Variants in PLG observed in about 807,000 individuals in gnomAD.
PLG encodes plasmin.
A neutral mutation model predicts 104.4 loss-of-function variants in PLG; 41 were observed. The ratio of observed to expected loss-of-function variants is 0.39; its 90% confidence interval spans 0.31 to 0.51. The LOEUF is 0.51. Ranked by LOEUF, PLG falls within the 20% of genes least tolerant of loss-of-function variation. The pLI is 0.76. For synonymous variants in PLG, 337 were observed against 357.1 expected (o/e 0.94, Z 0.63); for missense variants, 891 against 1,003.6 (o/e 0.89, Z 1.52).
rs752552388 is a variant in PLG at position 160,702,310 on chromosome 6, A to G, written c.6A>G (p.Glu2=). The G allele has an allele frequency of 6.2e-7, 1 of 1,610,084 alleles. No individual in the cohort carries two copies. Among genetic ancestry groups the G allele is most frequent in the South Asian group, 1.1e-5 (1 of 90,570 alleles). Residue 2 remains glutamate (E), a synonymous_variant, in exon 1 of 19, where the codon GAA becomes GAG. Transcript: ENST00000308192. M[E]HKEVVLLLLL... is the part of the protein sequence containing the mutation. ...CACTGCTGGCCAGTCCCAAAATGGA[A>G]CATAAGGAAGTGGTTCTTCTACTTC...
chr6:160,718,379 G>C lies in PLG; in HGVS notation c.873G>C (p.Val291=). 6.2e-7 allele frequency: 1 copy of C among 1,613,642 alleles called. No homozygotes were observed. The highest frequency in any genetic ancestry group is 8.5e-7 in the Non-Finnish European group (1 of 1,179,516). The change falls in exon 8 of 19, where the codon GTG becomes GTC. Residue 291 remains valine, a synonymous_variant. Transcript: ENST00000308192. The part of the protein sequence containing the change: ...ENYRGNVAVT[V]SGHTCQHWSA... The stretch of plus-strand genomic sequence containing the variant: ...ATCGCGGGAATGTGGCTGTTACCGT[G>C]TCCGGGCACACCTGTCAGCACTGGA...
In PLG at chr6:160,744,585, CTTA is replaced by C. The variant is rs1433433679; in HGVS notation, c.2125+3172_2125+3174del. Among the ~76,000 whole-genome samples, 1 of 152,082 alleles carries C rather than the reference CTTA, an allele frequency of 6.6e-6. No individual in the cohort carries two copies. Among genetic ancestry groups the C allele is most frequent in the Non-Finnish European group, 1.5e-5 (1 of 67,974 alleles). On this transcript the variant is annotated intron_variant, in intron 17 of 18. Coordinates refer to ENST00000308192, the MANE Select transcript of PLG (RefSeq NM_000301.5). The surrounding 1 kb of genome is among the most constrained non-coding windows in gnomAD (Gnocchi z 4.5). Reference sequence around the variant, plus strand: ...TTAGCCTAGCTAGCAGCCTACCTATCTTATTACTGTTTTCAAAAAACCAACTAC... The same window carrying C: ...TTAGCCTAGCTAGCAGCCTACCTATCTTACTGTTTTCAAAAAACCAACTAC...
rs557582348 is a variant in PLG, at chr6:160,723,970, G to A, written c.1256+1403G>A. On this transcript the variant is annotated intron_variant, in intron 10 of 18. Transcript: ENST00000308192. The surrounding 1 kb of genome is among the most constrained non-coding windows in gnomAD (Gnocchi z 4.7). ...AAAGCAAGTCTAAAAAAATCAACACGATCTCCAAGTAAATTAACTGATTGC... is the reference window on the plus strand; with the variant it reads ...AAAGCAAGTCTAAAAAAATCAACACAATCTCCAAGTAAATTAACTGATTGC... Among the ~76,000 whole-genome samples the A allele has an allele frequency of 2.0e-5, 3 of 152,226 alleles. 1 individual carries two copies. The highest frequency in any genetic ancestry group is 7.2e-5 in the African/African-American group (3 of 41,546).
chr6:160,749,143 C>G (rs1778351585), intron 17 of PLG, among the ~76,000 whole-genome samples: 1 of 152,222 alleles, frequency 6.6e-6, no homozygotes. Flanking sequence ...TGAGTTCTGG[C>G]TCTCCCATCT....
Position 160,714,867 on chromosome 6 carries a change from G to A in PLG, c.621G>A (p.Gln207=). The change falls in exon 6 of 19, where the codon CAG becomes CAA. Residue 207 remains glutamine (Q), a synonymous_variant. Transcript: ENST00000308192. ...AGACCATGTCTGGACTGGAATGCCA[G>A]GCCTGGGACTCTCAGAGCCCACACG... ...ISKTMSGLEC[Q]AWDSQSPHAH... is the part of the protein sequence containing the mutation. 1.9e-6 allele frequency: 3 copies of A among 1,613,856 alleles called. No individual in the cohort carries two copies. Among genetic ancestry groups the A allele is most frequent in the Non-Finnish European group, 2.5e-6 (3 of 1,179,772 alleles).
At chr6:160,703,793 C>G (rs1777468530) in intron 1 of PLG, among the ~76,000 whole-genome samples, 1 of 152,202 alleles carries the variant, frequency 6.6e-6, no homozygotes, top group Non-Finnish European at 1.5e-5. Flanking sequence ...GGGCTACACC[C>G]AAAGGCTAGA....
chr6:160,743,114 T>C (rs1198149665), intron 17 of PLG, among the ~76,000 whole-genome samples: 1 of 152,158 alleles, frequency 6.6e-6, no homozygotes, highest in African/African-American at 2.4e-5. Context: ...TTTGTTCTTT[T>C]TGTTTAGGAT....
Position 160,752,775 on chromosome 6 carries a change from C to A in PLG, c.2272-125C>A. 8.4e-7 allele frequency: 1 copy of A among 1,190,532 alleles called. No homozygotes were observed. Among genetic ancestry groups the A allele is most frequent in the Non-Finnish European group, 1.2e-6 (1 of 804,196 alleles). The allele number at this position is 1,190,532 out of a possible 1,614,324, so 73.7% of individuals were successfully genotyped here. A position where few individuals can be genotyped will look rare whatever the true frequency, so the allele number is the denominator to read the frequency against. On this transcript the variant is annotated intron_variant, in intron 18 of 18. Transcript: ENST00000308192. This position sits in a 1 kb window ranked among gnomAD's most constrained non-coding sequence, Gnocchi z 4.7. ...GCACTGCAGATGCTTGAGTAATATG[C>A]TCATAAGTTCCTTTCTGATTTCAAT...
At chr6:160,706,221 A>G in intron 1 of PLG, 186 bp from the exon 2 acceptor site, 1 of 737,352 alleles carries the variant, frequency 1.4e-6, no homozygotes, top group Non-Finnish European at 2.3e-6. Context: ...ATCTTTATTT[A>G]TGTCCAAATG....
Position 160,752,084 on chromosome 6 carries a change from G to A in PLG, c.2126-31G>A, listed in dbSNP as rs1438985310. On this transcript the variant is annotated intron_variant, in intron 17 of 18. Transcript: ENST00000308192. The surrounding 1 kb of genome is among the most constrained non-coding windows in gnomAD (Gnocchi z 4.7). Reference sequence around the variant, plus strand: ...TCCTCCTGAATGTGTTTTGGGTGCAGTTGCCATTTCTTTCATCTTTTTAAA... The same window carrying A: ...TCCTCCTGAATGTGTTTTGGGTGCAATTGCCATTTCTTTCATCTTTTTAAA... 5.6e-6 allele frequency: 9 copies of A among 1,607,552 alleles called. No individual in the cohort carries two copies. The highest frequency in any genetic ancestry group is 7.7e-6 in the Non-Finnish European group (9 of 1,174,730).
intron 12 of PLG, among the ~76,000 whole-genome samples, chr6:160,733,575 C>T (rs765769691): frequency 6.6e-6 from 1 of 151,940 alleles, no homozygotes; most frequent in Non-Finnish European, 1.5e-5. Context: ...CATGGTGGCT[C>T]ACACCTGTAA....
At position 160,731,706 on chromosome 6, in the gene PLG, CT is replaced by C. The variant is rs1778001953; in HGVS notation, c.1439-38del. Reference sequence around the variant, plus strand: ...ATTGATTCCATATCATCCTGGGTCTCTGTGGCTCTTCATAATCATCCATTTT... The same window carrying C: ...ATTGATTCCATATCATCCTGGGTCTCGTGGCTCTTCATAATCATCCATTTT... On this transcript the variant is annotated intron_variant, in intron 11 of 18. Transcript: ENST00000308192. This position sits in a 1 kb window ranked among gnomAD's most constrained non-coding sequence, Gnocchi z 5.1. 2 of 1,601,938 alleles carry C rather than the reference CT, an allele frequency of 1.2e-6. No homozygotes were observed. The highest frequency in any genetic ancestry group is 2.7e-5 in the African/African-American group (2 of 74,682).
chr6:160,716,520 T>C (rs1157180714), intron 6 of PLG, 125 bp from the exon 7 acceptor site: 2 of 733,776 alleles, frequency 2.7e-6, no homozygotes, highest in African/African-American at 1.7e-5. Context: ...AGCCTTCATC[T>C]GATTACCTCC....
In PLG at chr6:160,738,951, G is replaced by A; in HGVS notation, c.1878-117G>A. 1.6e-6 allele frequency: 2 copies of A among 1,218,960 alleles called. No individual in the cohort carries two copies. Among genetic ancestry groups the A allele is most frequent in the South Asian group, 2.4e-5 (2 of 81,872 alleles). 75.5% of individuals were successfully genotyped at this position (1,218,960 alleles called of 1,614,324 possible). On this transcript the variant is annotated intron_variant, in intron 15 of 18. Transcript: ENST00000308192. The surrounding 1 kb of genome is among the most constrained non-coding windows in gnomAD (Gnocchi z 6.8). ...CATGAATTTTGCTTCTTGCCACTCA[G>A]AAGTCACTAATTCTGAGTGGCCAAG...
intron 10 of PLG, among the ~76,000 whole-genome samples, chr6:160,728,176 A>G (rs1035790900): frequency 8.5e-5 from 13 of 152,062 alleles, no homozygotes; most frequent in African/African-American, 3.1e-4. Context: ...CTGGAAAATA[A>G]AAATGTCAGA....
In PLG at chr6:160,703,144, G is replaced by A. The variant is rs550332133; in HGVS notation, c.49+791G>A. Reference sequence around the variant, plus strand: ...CTCAGTGACCAAATTCTCAGATCTGGGAAATAAAGAAAACTGGATTTAAGC... The same window carrying A: ...CTCAGTGACCAAATTCTCAGATCTGAGAAATAAAGAAAACTGGATTTAAGC... On this transcript the variant is annotated intron_variant, in intron 1 of 18. Coordinates refer to ENST00000308192, the MANE Select transcript of PLG (RefSeq NM_000301.5). 3.3e-5 allele frequency among the ~76,000 whole-genome samples: 5 copies of A among 152,100 alleles called. No individual in the cohort carries two copies. In the South Asian group the frequency reaches 1.0e-3, roughly 32 times the overall value.
intron 3 of PLG, 85 bp from the exon 4 acceptor site, chr6:160,710,992 T>A: frequency 7.9e-7 from 1 of 1,270,910 alleles, no homozygotes; most frequent in South Asian, 1.2e-5. Flanking sequence ...GTGCATGAGA[T>A]CTTTTTCTCA....
At position 160,736,460 on chromosome 6, in the gene PLG, A is replaced by G. The variant is rs1437217089; in HGVS notation, c.1682-427A>G. On this transcript the variant is annotated intron_variant, in intron 13 of 18. Coordinates refer to ENST00000308192, the MANE Select transcript of PLG (RefSeq NM_000301.5). This position sits in a 1 kb window ranked among gnomAD's most constrained non-coding sequence, Gnocchi z 5.2. ...ACCTTTGTGCCTTTCAGCAGTGATGACAATTATGGTTTTCAGTAAACTTTA... is the reference window on the plus strand; with the variant it reads ...ACCTTTGTGCCTTTCAGCAGTGATGGCAATTATGGTTTTCAGTAAACTTTA... Among the ~76,000 whole-genome samples, 1 of 152,192 alleles carries G rather than the reference A, an allele frequency of 6.6e-6. No individual in the cohort carries two copies. The highest frequency in any genetic ancestry group is 1.5e-5 in the Non-Finnish European group (1 of 68,032).
rs1454529313 is a variant in PLG at position 160,736,801 on chromosome 6, ACT to A, written c.1682-84_1682-83del. 2.6e-6 allele frequency: 4 copies of A among 1,562,750 alleles called. No individual in the cohort carries two copies. The highest frequency in any genetic ancestry group is 1.7e-5 in the Admixed American group (1 of 59,660). ...TAGTTCGGCCTTTAAGATGTCAAAA[ACT>A]CAGTGCTTGGAATTTGTCTCGAATT... On this transcript the variant is annotated intron_variant, in intron 13 of 18. Coordinates refer to ENST00000308192, the MANE Select transcript of PLG (RefSeq NM_000301.5). The surrounding 1 kb of genome is among the most constrained non-coding windows in gnomAD (Gnocchi z 5.2).
Sources: allele counts gnomAD v4.1 joint callset (sites outside exome capture counted in the v4.1 genomes callset), GRCh38; gene constraint gnomAD v4.1.1; non-coding constraint Gnocchi (gnomAD v3.1); transcripts MANE v1.5; gene names NCBI Gene and HGNC (gene_info 2026-07-23, HGNC 2026-07-21).